Variants in TMTC1 observed in about 807,000 individuals in gnomAD.
The protein encoded by TMTC1 is protein O-mannosyl-transferase TMTC1.
Under a neutral mutation model 104.8 loss-of-function variants are expected in TMTC1, and 73 were observed. The observed-to-expected ratio is 0.70, with a 90% CI of 0.58 to 0.85. TMTC1 has a LOEUF of 0.85. Ranked by LOEUF, TMTC1 falls within the 40% of genes least tolerant of loss-of-function variation. TMTC1 has a pLI of 0.00. For synonymous variants in TMTC1, 434 were observed against 428.7 expected (o/e 1.01, Z -0.15); for missense variants, 1,035 against 1,096.1 (o/e 0.94, Z 0.79).
intron 17 of TMTC1, among the ~76,000 whole-genome samples, chr12:29,508,678 G>A (rs7302023): frequency 0.18 from 27,421 of 151,866 alleles, 2,992 homozygotes; most frequent in African/African-American, 0.31. Context: ...GGTTCAAACA[G>A]TTCTCGTGCC....
intron 5 of TMTC1, among the ~76,000 whole-genome samples, chr12:29,712,682 A>G (rs1378126442): frequency 6.6e-6 from 1 of 152,204 alleles, no homozygotes; most frequent in Non-Finnish European, 1.5e-5. Context: ...CTGCTGCTAT[A>G]TGTTATTCTA....
intron 2 of TMTC1, among the ~76,000 whole-genome samples, chr12:29,764,513 G>C (rs1039424127): frequency 6.6e-6 from 1 of 152,042 alleles, no homozygotes; most frequent in Non-Finnish European, 1.5e-5. Context: ...GTCTCAAATA[G>C]TAATATTAAT....
chr12:29,761,019 T>C (rs529303384), intron 2 of TMTC1, among the ~76,000 whole-genome samples: 93 of 147,932 alleles, frequency 6.3e-4, no homozygotes, highest in South Asian at 1.5e-3. Context: ...CTATAAATTA[T>C]ATGTAGTATA....
Position 29,779,591 on chromosome 12 carries a change from C to T in TMTC1, c.302+3859G>A, listed in dbSNP as rs531368684. On this transcript the variant is annotated intron_variant, in intron 1 of 17. Coordinates refer to ENST00000539277, the MANE Select transcript of TMTC1 (RefSeq NM_001193451.2). ...CACCTTTATAGCAAAAAGTATTATG[C>T]ATCTATAAATTACATTTATTCTTAA... Among the ~76,000 whole-genome samples, 14 of 152,280 alleles carry T rather than the reference C, an allele frequency of 9.2e-5. No homozygotes were observed. The East Asian group carries it at 2.5e-3, about 27-fold the overall frequency.
At chr12:29,752,097 A>T (rs1943105346) in intron 4 of TMTC1, among the ~76,000 whole-genome samples, 1 of 150,588 alleles carries the variant, frequency 6.6e-6, no homozygotes, top group African/African-American at 2.4e-5. Context: ...AGTATAGAAC[A>T]CTGTAACTCA....
rs150284070 is a variant in TMTC1, at chr12:29,607,654, T to C, written c.1129-3355A>G. Among the ~76,000 whole-genome samples the C allele has an allele frequency of 2.4e-3, 372 of 152,280 alleles. 1 individual carries two copies. Among genetic ancestry groups the C allele is most frequent in the African/African-American group, 8.1e-3 (338 of 41,556 alleles). ...ATGGCAGTGACTAAAGGGTCCCTTA[T>C]GCATAGAAAGAAACGTGAGTGAGTG... On this transcript the variant is annotated intron_variant, in intron 6 of 17. Transcript: ENST00000539277.
chr12:29,636,847 T>C (rs1230730958), intron 5 of TMTC1, among the ~76,000 whole-genome samples: 2 of 146,086 alleles, frequency 1.4e-5, no homozygotes, highest in African/African-American at 5.1e-5. Context: ...GAGTTTGAGA[T>C]AAGCCTAGGC....
At chr12:29,572,736 C>A (rs145720706) in intron 8 of TMTC1, among the ~76,000 whole-genome samples, 1 of 152,204 alleles carries the variant, frequency 6.6e-6, no homozygotes, top group African/African-American at 2.4e-5. Context: ...TAATTACAAA[C>A]GCTTTTCCTT....
intron 10 of TMTC1, among the ~76,000 whole-genome samples, chr12:29,548,866 A>G (rs1945016851): frequency 7.6e-6 from 1 of 130,742 alleles, no homozygotes; most frequent in African/African-American, 3.5e-5. Context: ...ATATAAATAT[A>G]TAAATTATAT....
chr12:29,603,328 C>A (rs150100656), intron 7 of TMTC1, among the ~76,000 whole-genome samples: 20 of 152,006 alleles, frequency 1.3e-4, no homozygotes, highest in African/African-American at 4.6e-4. Flanking sequence ...TCATTTCCTC[C>A]TAACATTTTG....
intron 5 of TMTC1, among the ~76,000 whole-genome samples, chr12:29,644,024 T>C (rs1162865701): frequency 7.5e-5 from 8 of 107,018 alleles, no homozygotes; most frequent in African/African-American, 2.4e-4. Flanking sequence ...ATAATTTATA[T>C]ATAAATATAA....
At chr12:29,730,956 T>C (rs1942530946) in intron 5 of TMTC1, among the ~76,000 whole-genome samples, 2 of 152,188 alleles carry the variant, frequency 1.3e-5, no homozygotes, top group South Asian at 4.1e-4. Context: ...CTTGCAAGGA[T>C]CATTCCATTA....
chr12:29,630,363 A>T (rs926235461), intron 6 of TMTC1, among the ~76,000 whole-genome samples: 4 of 152,128 alleles, frequency 2.6e-5, no homozygotes, highest in Admixed American at 2.0e-4. Flanking sequence ...AAAGGGAGAA[A>T]AACCCCTAAT....
chr12:29,584,681 C>T (rs1946079524), intron 7 of TMTC1, among the ~76,000 whole-genome samples: 1 of 151,884 alleles, frequency 6.6e-6, no homozygotes, highest in Non-Finnish European at 1.5e-5. Context: ...TGAGTGAGAA[C>T]ATGCGGTGTT....
chr12:29,663,969 C>T (rs377552631), intron 5 of TMTC1, among the ~76,000 whole-genome samples: 10 of 151,968 alleles, frequency 6.6e-5, no homozygotes, highest in South Asian at 2.1e-4. Context: ...CGGCGGATCA[C>T]GAGGTCAGGA....
At chr12:29,746,003 A>G (rs1429902519) in intron 5 of TMTC1, among the ~76,000 whole-genome samples, 1 of 152,224 alleles carries the variant, frequency 6.6e-6, no homozygotes, top group African/African-American at 2.4e-5. Context: ...AAGGGAAGCA[A>G]GGAAAAAGCT....
chr12:29,606,865 T>G (rs1202555864), intron 6 of TMTC1, among the ~76,000 whole-genome samples: 1 of 151,894 alleles, frequency 6.6e-6, no homozygotes, highest in African/African-American at 2.4e-5. Context: ...GTGTTCACTT[T>G]CTTTTTTTTT....
intron 8 of TMTC1, 62 bp downstream of exon 8, chr12:29,583,345 G>T: frequency 6.6e-7 from 1 of 1,525,806 alleles, no homozygotes; most frequent in South Asian, 1.3e-5. Context: ...CATTTGTTTG[G>T]AAACAATTTG....
Position 29,667,586 on chromosome 12 carries a change from GA to G in TMTC1, c.939-34251del, listed in dbSNP as rs200583138. The stretch of plus-strand genomic sequence containing the variant: ...CAGCTCATGTAGTTTTATAATGAGG[GA>G]AAAAAATGATGCCCAGAAATGTTAC... On this transcript the variant is annotated intron_variant, in intron 5 of 17. Coordinates refer to ENST00000539277, the MANE Select transcript of TMTC1 (RefSeq NM_001193451.2). Among the ~76,000 whole-genome samples, 495 of 152,220 alleles carry G rather than the reference GA, an allele frequency of 3.3e-3. 1 individual carries two copies. Among genetic ancestry groups the G allele is most frequent in the African/African-American group, 0.012 (480 of 41,562 alleles).
Sources: gnomAD v4.1 joint callset for allele counts (sites outside exome capture counted in the v4.1 genomes callset) on GRCh38, gnomAD v4.1.1 for gene constraint, MANE v1.5 for transcripts, NCBI Gene and HGNC (gene_info 2026-07-23, HGNC 2026-07-21) for gene names.